The following ATG5 variants were observed in gnomAD, a reference collection of about 807,000 sequenced individuals.
ATG5 encodes autophagy related 5, also known as autophagy protein 5.
In ATG5, 14 loss-of-function variants were observed where a neutral mutation model predicts 36.5. That is an observed-to-expected ratio of 0.38 (90% CI 0.25 to 0.60). The LOEUF is 0.60. Ranked by LOEUF, ATG5 falls within the 20% of genes least tolerant of loss-of-function variation. The pLI is 0.60. For synonymous variants in ATG5, 95 were observed against 101.5 expected (o/e 0.94, Z 0.38); for missense variants, 195 against 326.7 (o/e 0.60, Z 3.11).
intron 6 of ATG5, among the ~76,000 whole-genome samples, chr6:106,204,367 G>A (rs1776551417): frequency 6.6e-6 from 1 of 152,082 alleles, no homozygotes; most frequent in Non-Finnish European, 1.5e-5. Context: ...TTGAGTGTTT[G>A]TGACAAGTAT....
At position 106,273,723 on chromosome 6, in the gene ATG5, T is replaced by A. The variant is rs536981289; in HGVS notation, c.478+5938A>T. Among the ~76,000 whole-genome samples the A allele has an allele frequency of 5.3e-5, 8 of 152,198 alleles. No homozygotes were observed. In the East Asian group the frequency reaches 1.5e-3, roughly 29 times the overall value. On this transcript the variant is annotated intron_variant, in intron 5 of 7. Coordinates refer to ENST00000369076, the MANE Select transcript of ATG5 (RefSeq NM_004849.4). The stretch of plus-strand genomic sequence containing the variant: ...GGTCTGGTGCTCCATCTCAAAACAA[T>A]AATTTCTCAGTCTACTTATTCTACT...
chr6:106,293,258 G>A (rs2114631108), intron 3 of ATG5, 152 bp from the exon 4 acceptor site: 1 of 658,412 alleles, frequency 1.5e-6, no homozygotes. Context: ...ACGTGCCTAG[G>A]CTAGTATGAT....
chr6:106,223,818 G>A (rs1777343218), intron 6 of ATG5, among the ~76,000 whole-genome samples: 1 of 152,196 alleles, frequency 6.6e-6, no homozygotes, highest in Non-Finnish European at 1.5e-5. Context: ...CAAGGCTGAA[G>A]ATCTAAGATC....
chr6:106,224,225 A>G (rs1777359096), intron 6 of ATG5, among the ~76,000 whole-genome samples: 1 of 152,232 alleles, frequency 6.6e-6, no homozygotes, highest in Non-Finnish European at 1.5e-5. Flanking sequence ...GTCTAGCTAT[A>G]TTTTAGGAAA....
chr6:106,192,147 A>G (rs917484034), intron 7 of ATG5, among the ~76,000 whole-genome samples: 21 of 152,144 alleles, frequency 1.4e-4, no homozygotes, highest in Non-Finnish European at 2.5e-4. Context: ...ATTCAAGTGG[A>G]GCACATCACC....
intron 6 of ATG5, among the ~76,000 whole-genome samples, chr6:106,215,474 ACAT>A (rs1164549291): frequency 6.6e-6 from 1 of 152,218 alleles, no homozygotes; most frequent in African/African-American, 2.4e-5. Context: ...TACTAAAGTA[ACAT>A]CAAAGGGAAA....
At position 106,251,757 on chromosome 6, in the gene ATG5, AAAAAG is replaced by A. The variant is rs1393767761; in HGVS notation, c.479-3518_479-3514del. Reference sequence around the variant, plus strand: ...AAAGAAAGAAAGAAAAGAAAGAAAGAAAAAGAAAAGAAGAAAAGAAAAGGAGGAGA... The same window carrying A: ...AAAGAAAGAAAGAAAAGAAAGAAAGAAAAAGAAGAAAAGAAAAGGAGGAGA... On this transcript the variant is annotated intron_variant, in intron 5 of 7. Coordinates refer to ENST00000369076, the MANE Select transcript of ATG5 (RefSeq NM_004849.4). 2.7e-5 allele frequency among the ~76,000 whole-genome samples: 4 copies of A among 150,914 alleles called. No homozygotes were observed. The East Asian group carries it at 7.8e-4, about 29-fold the overall frequency.
intron 5 of ATG5, among the ~76,000 whole-genome samples, chr6:106,274,423 G>A (rs551181474): frequency 1.3e-5 from 2 of 152,218 alleles, no homozygotes; most frequent in East Asian, 3.9e-4. Flanking sequence ...CTTTCACAGA[G>A]TTCTGAGAAA....
chr6:106,286,930 G>A (rs2114616889), intron 4 of ATG5, among the ~76,000 whole-genome samples: 1 of 152,286 alleles, frequency 6.6e-6, no homozygotes, highest in African/African-American at 2.4e-5. Context: ...CCAACACCCT[G>A]ATGGCACCCT....
intron 5 of ATG5, among the ~76,000 whole-genome samples, chr6:106,252,040 C>G (rs1778615136): frequency 1.3e-5 from 2 of 152,204 alleles, no homozygotes; most frequent in South Asian, 4.2e-4. Flanking sequence ...GGGATTTCAC[C>G]ATGTTGGCCA....
intron 3 of ATG5, among the ~76,000 whole-genome samples, chr6:106,298,586 A>G (rs1770075665): frequency 6.6e-6 from 1 of 152,106 alleles, no homozygotes; most frequent in Admixed American, 6.5e-5. Context: ...ACATAAAAAC[A>G]TTCTAAATAT....
chr6:106,323,560 C>T (rs1771181045), intron 1 of ATG5, among the ~76,000 whole-genome samples: 1 of 152,098 alleles, frequency 6.6e-6, no homozygotes, highest in Admixed American at 6.6e-5. Flanking sequence ...TTTAGTTGCT[C>T]AGTCCGTAAC....
At chr6:106,210,646 C>T (rs1402975211) in intron 6 of ATG5, among the ~76,000 whole-genome samples, 4 of 152,170 alleles carry the variant, frequency 2.6e-5, no homozygotes, top group Non-Finnish European at 4.4e-5. Context: ...CACTTGATGA[C>T]GATGGATTCA....
At chr6:106,244,595 G>C (rs1257251840) in intron 6 of ATG5, among the ~76,000 whole-genome samples, 1 of 152,168 alleles carries the variant, frequency 6.6e-6, no homozygotes, top group African/African-American at 2.4e-5. Flanking sequence ...TTCTTCCTGG[G>C]GCATTAGGTT....
At chr6:106,268,033 T>TA (rs1491221475) in intron 5 of ATG5, among the ~76,000 whole-genome samples, 1 of 151,878 alleles carries the variant, frequency 6.6e-6, no homozygotes, top group Non-Finnish European at 1.5e-5. Context: ...CAAAAGAAAC[T>TA]ATCATCAGAG....
chr6:106,193,442 TATA>T (rs1325278619), intron 7 of ATG5, among the ~76,000 whole-genome samples: 1 of 152,178 alleles, frequency 6.6e-6, no homozygotes, highest in Non-Finnish European at 1.5e-5. Context: ...GACTTTTGCT[TATA>T]ATCTCTGTAT....
At chr6:106,208,729 A>T (rs1216735341) in intron 6 of ATG5, among the ~76,000 whole-genome samples, 2 of 152,262 alleles carry the variant, frequency 1.3e-5, no homozygotes, top group Admixed American at 6.5e-5. Flanking sequence ...AAGAGAATGA[A>T]AACATAAGCC....
intron 1 of ATG5, among the ~76,000 whole-genome samples, chr6:106,317,341 A>C (rs189725563): frequency 9.7e-4 from 147 of 152,324 alleles, no homozygotes; most frequent in African/African-American, 3.3e-3. Context: ...CACTCTAAAT[A>C]ATCTTACGAG....
At chr6:106,210,394 A>G (rs1346601834) in intron 6 of ATG5, among the ~76,000 whole-genome samples, 2 of 152,240 alleles carry the variant, frequency 1.3e-5, no homozygotes, top group Non-Finnish European at 2.9e-5. Context: ...CAGAATTAAA[A>G]TCACTAAGCA....
Sources: gnomAD v4.1 joint callset for allele counts (sites outside exome capture counted in the v4.1 genomes callset) on GRCh38, gnomAD v4.1.1 for gene constraint, MANE v1.5 for transcripts, NCBI Gene and HGNC (gene_info 2026-07-23, HGNC 2026-07-21) for gene names.